CNTNAP2: variants seen among roughly 807,000 people sequenced by gnomAD.
CNTNAP2 encodes the protein contactin associated protein 2.
A neutral mutation model predicts 155.2 loss-of-function variants in CNTNAP2; 98 were observed. The ratio of observed to expected loss-of-function variants is 0.63; its 90% confidence interval spans 0.54 to 0.75. CNTNAP2 has a LOEUF of 0.75. Among genes scored for constraint, CNTNAP2 ranks in the 30% least tolerant of loss-of-function variants. The pLI is 0.00. For synonymous variants in CNTNAP2, 651 were observed against 631.2 expected, an observed-to-expected ratio of 1.03 and a Z score of -0.47; for missense variants, 1,727 against 1,688.1, an observed-to-expected ratio of 1.02 and a Z score of -0.40.
intron 1 of CNTNAP2, among the ~76,000 whole-genome samples, chr7:146,773,930 G>A (rs1047116605): frequency 7.9e-5 from 12 of 152,076 alleles, no homozygotes; most frequent in Non-Finnish European, 4.4e-5. Flanking sequence ...TTCCTATAAT[G>A]TATAAATACC....
At chr7:148,205,829 G>A (rs1263359777) in intron 18 of CNTNAP2, among the ~76,000 whole-genome samples, 1 of 152,140 alleles carries the variant, frequency 6.6e-6, no homozygotes, top group East Asian at 1.9e-4. Flanking sequence ...CTGGAGGCCA[G>A]GGGCTAGCTG....
At chr7:147,439,498 A>G (rs1797603838) in intron 10 of CNTNAP2, among the ~76,000 whole-genome samples, 1 of 151,950 alleles carries the variant, frequency 6.6e-6, no homozygotes, top group Admixed American at 6.6e-5. Flanking sequence ...TTGTGACCTA[A>G]CATATGGTCA....
intron 3 of CNTNAP2, among the ~76,000 whole-genome samples, chr7:147,040,177 G>A (rs1799231173): frequency 6.6e-6 from 1 of 151,974 alleles, no homozygotes; most frequent in African/African-American, 2.4e-5. Flanking sequence ...TGGCCAACAA[G>A]CCTATGAAAA....
At chr7:148,282,924 TAAAC>T (rs1169759492) in intron 21 of CNTNAP2, among the ~76,000 whole-genome samples, 1 of 152,028 alleles carries the variant, frequency 6.6e-6, no homozygotes, top group Non-Finnish European at 1.5e-5. Flanking sequence ...TGTTTTGAAA[TAAAC>T]AAACATTTGA....
chr7:148,108,346 A>G (rs982699030), intron 15 of CNTNAP2, among the ~76,000 whole-genome samples: 2 of 147,658 alleles, frequency 1.4e-5, no homozygotes, highest in African/African-American at 5.2e-5. Context: ...TGTGTCCTGA[A>G]TGGAATTACC....
intron 8 of CNTNAP2, among the ~76,000 whole-genome samples, chr7:147,191,818 T>C (rs2116525197): frequency 6.6e-6 from 1 of 152,286 alleles, no homozygotes; most frequent in South Asian, 2.1e-4. Context: ...CTTAACTCCA[T>C]CTGCATAACA....
chr7:148,179,769 AAAGAG>A (rs1352676281), intron 18 of CNTNAP2, among the ~76,000 whole-genome samples: 4 of 152,110 alleles, frequency 2.6e-5, no homozygotes, highest in South Asian at 2.1e-4. Context: ...AGAAGCAGAG[AAAGAG>A]AAGAAAAGAA....
At chr7:147,300,363 A>C (rs1794924198) in intron 9 of CNTNAP2, 73 bp downstream of exon 9, 1 of 1,549,392 alleles carries the variant, frequency 6.5e-7, no homozygotes, top group Non-Finnish European at 8.9e-7. Context: ...TTTGATTATG[A>C]AGTATTTATA....
chr7:147,765,317 G>T (rs1310237508), intron 13 of CNTNAP2, among the ~76,000 whole-genome samples: 1 of 152,148 alleles, frequency 6.6e-6, no homozygotes, highest in Non-Finnish European at 1.5e-5. Flanking sequence ...CCCTACCAGT[G>T]CCCATCTAGA....
At chr7:148,329,487 A>G (rs1296346930) in intron 21 of CNTNAP2, among the ~76,000 whole-genome samples, 1 of 152,172 alleles carries the variant, frequency 6.6e-6, no homozygotes, top group Non-Finnish European at 1.5e-5. Flanking sequence ...ACAGTGCAGG[A>G]ACAGAAGGAA....
intron 3 of CNTNAP2, among the ~76,000 whole-genome samples, chr7:146,859,502 C>T (rs975109316): frequency 2.6e-5 from 4 of 151,916 alleles, no homozygotes; most frequent in Non-Finnish European, 4.4e-5. Context: ...CCTAAAAATA[C>T]AAAATTAGCC....
chr7:147,978,356 C>A (rs1801467270), intron 15 of CNTNAP2, among the ~76,000 whole-genome samples: 1 of 151,984 alleles, frequency 6.6e-6, no homozygotes, highest in Admixed American at 6.6e-5. Context: ...TCACCATAAA[C>A]CGAGTTTATG....
At chr7:146,338,285 C>G (rs186104377) in intron 1 of CNTNAP2, among the ~76,000 whole-genome samples, 6 of 152,200 alleles carry the variant, frequency 3.9e-5, no homozygotes, top group Admixed American at 3.9e-4. Context: ...TGCTGAGGAA[C>G]AAACCAATCA....
chr7:147,367,455 C>A (rs1416604613), intron 9 of CNTNAP2, among the ~76,000 whole-genome samples: 1 of 152,020 alleles, frequency 6.6e-6, no homozygotes, highest in Non-Finnish European at 1.5e-5. Flanking sequence ...AATAAAAGTT[C>A]TAATTGATTC....
chr7:146,790,760 A>ATG, intron 2 of CNTNAP2, among the ~76,000 whole-genome samples: 1 of 151,884 alleles, frequency 6.6e-6, no homozygotes, highest in East Asian at 2.0e-4. Context: ...TAGTAGAGGC[A>ATG]GGGTTTCACC....
chr7:147,311,835 T>G (rs1287940453), intron 9 of CNTNAP2, among the ~76,000 whole-genome samples: 2 of 152,178 alleles, frequency 1.3e-5, no homozygotes, highest in Non-Finnish European at 2.9e-5. Context: ...AGTAATATTC[T>G]TATATGTACA....
At chr7:147,553,151 G>GT (rs1799884023) in intron 11 of CNTNAP2, among the ~76,000 whole-genome samples, 1 of 152,232 alleles carries the variant, frequency 6.6e-6, no homozygotes, top group African/African-American at 2.4e-5. Context: ...GGGCTAAGGT[G>GT]TAAGTGGTGA....
intron 1 of CNTNAP2, among the ~76,000 whole-genome samples, chr7:146,436,943 A>G (rs898437412): frequency 1.3e-5 from 2 of 151,482 alleles, no homozygotes; most frequent in African/African-American, 4.9e-5. Flanking sequence ...GAAAGACAAG[A>G]ATCTCTATAA....
At chr7:148,301,306 A>AAAATATATATATATATATATATAT in intron 21 of CNTNAP2, among the ~76,000 whole-genome samples, 4 of 103,848 alleles carry the variant, frequency 3.9e-5, no homozygotes, top group Admixed American at 1.0e-4. Context: ...AAAAAAAAAA[A>AAAATATATATATATATATATATAT]ATATATATAT....
Sources: allele counts gnomAD v4.1 joint callset (sites outside exome capture counted in the v4.1 genomes callset), GRCh38; gene constraint gnomAD v4.1.1; transcripts MANE v1.5; gene names NCBI Gene and HGNC (gene_info 2026-07-23, HGNC 2026-07-21).